The following FBN1 variants were observed in gnomAD, a reference collection of about 807,000 sequenced individuals.
FBN1 encodes the protein fibrillin 1.
In FBN1, 29 loss-of-function variants were observed where a neutral mutation model predicts 365.1. That is an observed-to-expected ratio of 0.08 (90% CI 0.06 to 0.11). FBN1 has a LOEUF of 0.11. Among genes scored for constraint, FBN1 ranks in the 10% least tolerant of loss-of-function variants. FBN1 has a pLI of 1.00. For synonymous variants in FBN1, 1,210 were observed against 1,270.5 expected, an observed-to-expected ratio of 0.95 and a Z score of 1.01; for missense variants, 2,476 against 3,703.2, an observed-to-expected ratio of 0.67 and a Z score of 8.60.
intron 36 of FBN1, 123 bp from the exon 37 acceptor site, chr15:48,468,657 C>A (rs192362543): frequency 2.1e-6 from 2 of 943,114 alleles, no homozygotes; most frequent in African/African-American, 3.3e-5. Context: ...GTTATAACTA[C>A]ATCTAGAAAT....
In FBN1 at chr15:48,446,769, T is replaced by G. The variant is rs886038785; in HGVS notation, c.5725A>C (p.Ile1909Leu). 1.9e-6 allele frequency: 3 copies of G among 1,613,374 alleles called. No individual in the cohort carries two copies. Among genetic ancestry groups the G allele is most frequent in the Non-Finnish European group, 2.5e-6 (3 of 1,179,502 alleles). ...ACGNGTCRNTIGSFNCRCNHG... is the reference protein window; with the variant it reads ...ACGNGTCRNTLGSFNCRCNHG... ...TTGCAGCGGCAGTTGAAGGAACCAATTGTGTTCCGGCAAGTTCCATTCCCA... is the reference window on the plus strand; with the variant it reads ...TTGCAGCGGCAGTTGAAGGAACCAAGTGTGTTCCGGCAAGTTCCATTCCCA... The change falls in exon 47 of 66, where the codon ATT becomes CTT. Residue 1909 changes from isoleucine (I) to leucine (L), a missense_variant. Physicochemically the swap from Ile to Leu is conservative, Grantham distance 5. Coordinates refer to ENST00000316623, the MANE Select transcript of FBN1 (RefSeq NM_000138.5).
chr15:48,614,314 A>G (rs2140739562), intron 2 of FBN1, among the ~76,000 whole-genome samples: 1 of 152,360 alleles, frequency 6.6e-6, no homozygotes, highest in Non-Finnish European at 1.5e-5. Context: ...CTGTAAACCC[A>G]AAAGCATAAA....
At chr15:48,470,096 G>A (rs77618919) in intron 36 of FBN1, among the ~76,000 whole-genome samples, 2,677 of 152,218 alleles carry the variant, frequency 0.018, 54 homozygotes, top group East Asian at 0.083. Flanking sequence ...TCAGTCTGCT[G>A]GGTGCCTGTA....
chr15:48,461,464 TA>T (rs2141265020), intron 42 of FBN1, among the ~76,000 whole-genome samples: 1 of 152,280 alleles, frequency 6.6e-6, no homozygotes, highest in East Asian at 1.9e-4. Flanking sequence ...ATCTAATCTT[TA>T]AAAAAATTAA....
chr15:48,430,710 G>A lies in FBN1; in HGVS notation c.6832C>T (p.Pro2278Ser), dbSNP rs363835. 3,005 of 1,613,814 alleles carry A rather than the reference G, an allele frequency of 1.9e-3. 49 individuals carry two copies. In the African/African-American group the frequency reaches 0.035, roughly 19 times the overall value. Residue 2278 changes from proline (P) to serine (S), a missense_variant, in exon 56 of 66, where the codon CCC becomes TCC. Coordinates refer to ENST00000316623, the MANE Select transcript of FBN1 (RefSeq NM_000138.5). Reference protein sequence around the residue: ...LIGTYMCICGPGYQRRPDGEG... With the variant: ...LIGTYMCICGSGYQRRPDGEG... ...CCATCAGGTCTCCGCTGATACCCGG[G>A]TCCACAGATGCACATATATGTGCCA...
intron 60 of FBN1, among the ~76,000 whole-genome samples, chr15:48,422,321 A>C (rs992491934): frequency 6.6e-6 from 1 of 152,262 alleles, no homozygotes; most frequent in African/African-American, 2.4e-5. Flanking sequence ...CACAATTCTA[A>C]TTGGAGAAAT....
intron 6 of FBN1, among the ~76,000 whole-genome samples, chr15:48,584,229 T>TAC (rs1258737183): frequency 6.6e-6 from 1 of 152,186 alleles, no homozygotes; most frequent in Non-Finnish European, 1.5e-5. Flanking sequence ...ATACTATAAT[T>TAC]ACCCTCATTG....
At position 48,510,067 on chromosome 15, in the gene FBN1, G is replaced by A; in HGVS notation, c.1691C>T (p.Thr564Ile). ...ACCTTCACAGTTCTTCCCATCTCGT[G>A]TAACATGAAAGCCCGCATTACACAC... ...HCVCNAGFHV[T>I]RDGKNCEDMD... The change falls in exon 14 of 66, where the codon ACA becomes ATA. Residue 564 changes from threonine (T) to isoleucine (I), a missense_variant. By Grantham distance (89) the Thr-to-Ile change is moderately conservative. Coordinates refer to ENST00000316623, the MANE Select transcript of FBN1 (RefSeq NM_000138.5). The A allele has an allele frequency of 6.2e-7, 1 of 1,613,350 alleles. No individual in the cohort carries two copies. Among genetic ancestry groups the A allele is most frequent in the Non-Finnish European group, 8.5e-7 (1 of 1,179,518 alleles).
At chr15:48,601,305 G>T (rs986584871) in intron 4 of FBN1, among the ~76,000 whole-genome samples, 12 of 152,150 alleles carry the variant, frequency 7.9e-5, no homozygotes, top group African/African-American at 2.7e-4. Flanking sequence ...AGTAATTTAG[G>T]AATGCTAATA....
Position 48,481,773 on chromosome 15 carries a change from A to C in FBN1, c.3846T>G (p.Asn1282Lys), listed in dbSNP as rs935314832. 6.2e-7 allele frequency: 1 copy of C among 1,613,156 alleles called. No individual in the cohort carries two copies. Among genetic ancestry groups the C allele is most frequent in the African/African-American group, 1.3e-5 (1 of 74,894 alleles). Residue 1282 changes from asparagine to lysine, a missense_variant, in exon 32 of 66, where the codon AAT (asparagine) becomes AAG (lysine). By Grantham distance (94) the Asn-to-Lys change is moderately conservative (BLOSUM62 0). Coordinates refer to ENST00000316623, the MANE Select transcript of FBN1 (RefSeq NM_000138.5). ...SEDMKTCVDV[N>K]ECDLNPNICL... ...AGATATTTGGATTCAGGTCACACTC[A>C]TTGACATCTGTAAAACATATATACT...
intron 43 of FBN1, among the ~76,000 whole-genome samples, chr15:48,457,083 C>A (rs1475963824): frequency 6.6e-6 from 1 of 151,968 alleles, no homozygotes; most frequent in Admixed American, 6.6e-5. Flanking sequence ...GAGGGATGGT[C>A]AAGGGTAAAC....
chr15:48,499,299 T>C (rs2043635611), intron 17 of FBN1, among the ~76,000 whole-genome samples: 1 of 152,230 alleles, frequency 6.6e-6, no homozygotes, highest in Admixed American at 6.5e-5. Context: ...AAAAGGTGTT[T>C]TTCCTATAAC....
At chr15:48,528,125 G>A (rs1481981252) in intron 8 of FBN1, among the ~76,000 whole-genome samples, 1 of 152,230 alleles carries the variant, frequency 6.6e-6, no homozygotes, top group African/African-American at 2.4e-5. Flanking sequence ...AAGATCGCAT[G>A]AGGAGACAAT....
intron 17 of FBN1, 118 bp downstream of exon 17, chr15:48,503,669 A>T (rs2043682212): frequency 7.5e-7 from 1 of 1,333,156 alleles, no homozygotes; most frequent in Non-Finnish European, 1.1e-6. Flanking sequence ...GACCCCAAGA[A>T]GGCACATGGC....
chr15:48,447,151 T>C (rs1181143702), intron 46 of FBN1, among the ~76,000 whole-genome samples: 2 of 152,154 alleles, frequency 1.3e-5, no homozygotes. Context: ...CACTTGAAAA[T>C]GGAAAAAACT....
rs1338271976 is a variant in FBN1 at position 48,428,347 on chromosome 15, A to C, written c.6996T>G (p.Leu2332=). The change falls in exon 57 of 66, where the codon CTT becomes CTG. Residue 2332 remains leucine (L), a splice_region_variant and synonymous_variant. Coordinates refer to ENST00000316623, the MANE Select transcript of FBN1 (RefSeq NM_000138.5). ...FTASPNQDEC[L]DNREGYCFTE... ...AAGTGCGGTGCCAACTGTACTCACC[A>C]AGGCACTCGTCCTGGTTGGGGCTGG... 6.2e-7 allele frequency: 1 copy of C among 1,614,082 alleles called. No individual in the cohort carries two copies.
intron 58 of FBN1, among the ~76,000 whole-genome samples, chr15:48,427,074 C>T (rs2042984189): frequency 6.6e-6 from 1 of 152,192 alleles, no homozygotes; most frequent in African/African-American, 2.4e-5. Flanking sequence ...TTGCCTTAGA[C>T]AGTCTGACAC....
chr15:48,492,440 A>G, intron 24 of FBN1, 21 bp downstream of exon 24: 1 of 1,609,332 alleles, frequency 6.2e-7, no homozygotes, highest in Non-Finnish European at 8.5e-7. Flanking sequence ...TTATTAGAAA[A>G]ATAATGAGCT....
chr15:48,412,859 C>T (rs2042875335), intron 64 of FBN1, 116 bp from the exon 65 acceptor site: 2 of 1,216,844 alleles, frequency 1.6e-6, no homozygotes, highest in Non-Finnish European at 2.4e-6. Context: ...CCTTGCTTGT[C>T]CACTGGAGGA....
Sources: gnomAD v4.1 joint callset for allele counts (sites outside exome capture counted in the v4.1 genomes callset) on GRCh38, gnomAD v4.1.1 for gene constraint, MANE v1.5 for transcripts, NCBI Gene and HGNC (gene_info 2026-07-23, HGNC 2026-07-21) for gene names.